The following MYOF variants were observed in gnomAD, a reference collection of about 807,000 sequenced individuals.
The protein encoded by MYOF is myoferlin.
In MYOF, 244 loss-of-function variants were observed where a neutral mutation model predicts 284.2. That is an observed-to-expected ratio of 0.86 (90% CI 0.77 to 0.95). The LOEUF (loss-of-function observed/expected upper bound fraction) is 0.95. Ranked by LOEUF, MYOF falls within the 40% of genes least tolerant of loss-of-function variation. The pLI is 0.00. For synonymous variants in MYOF, 904 were observed against 919.7 expected (o/e 0.98, Z 0.31); for missense variants, 2,496 against 2,560.6 (o/e 0.97, Z 0.54).
chr10:93,406,885 C>T (rs1425438546), intron 7 of MYOF, among the ~76,000 whole-genome samples: 3 of 151,918 alleles, frequency 2.0e-5, no homozygotes, highest in African/African-American at 4.8e-5. Context: ...GGATTAGAGC[C>T]GTAGGGAATG....
chr10:93,400,143 T>C (rs942418073), intron 12 of MYOF, among the ~76,000 whole-genome samples: 2 of 152,142 alleles, frequency 1.3e-5, no homozygotes, highest in Non-Finnish European at 2.9e-5. Flanking sequence ...TGCTTTCAAT[T>C]GGGAGAAAGG....
chr10:93,404,662 A>T (rs1419995613), intron 7 of MYOF, among the ~76,000 whole-genome samples: 1 of 149,408 alleles, frequency 6.7e-6, no homozygotes, highest in South Asian at 2.1e-4. Flanking sequence ...AAAAAAAAAA[A>T]GGGAAAAAGA....
chr10:93,470,663 A>G (rs12260591), intron 1 of MYOF, among the ~76,000 whole-genome samples: 8,188 of 152,118 alleles, frequency 0.054, 512 homozygotes, highest in East Asian at 0.25. Flanking sequence ...CGGCCTCCCA[A>G]AGTGCTGGGA....
chr10:93,468,665 A>G (rs1348301013), intron 1 of MYOF, among the ~76,000 whole-genome samples: 1 of 152,186 alleles, frequency 6.6e-6, no homozygotes, highest in African/African-American at 2.4e-5. Flanking sequence ...GTGTCTCATC[A>G]TTAGTCATCT....
intron 53 of MYOF, among the ~76,000 whole-genome samples, chr10:93,309,473 C>A (rs529708359): frequency 2.7e-4 from 41 of 152,042 alleles, no homozygotes; most frequent in African/African-American, 9.4e-4. Flanking sequence ...GTGACATGAG[C>A]CTTAAAAAAT....
Position 93,366,577 on chromosome 10 carries a change from T to C in MYOF, c.2590-22A>G, listed in dbSNP as rs111368930. ...CATACTATTAAAAAAGAGATAAAAT[T>C]GGAGAAACACCATCAGAGAGCAAAA... On this transcript the variant is annotated intron_variant, in intron 25 of 53. Transcript: ENST00000359263. The C allele has an allele frequency of 1.1e-5, 18 of 1,577,442 alleles. No homozygotes were observed. The African/African-American group carries it at 1.4e-4, about 12-fold the overall frequency.
At chr10:93,388,098 C>T (rs1846484588) in intron 18 of MYOF, among the ~76,000 whole-genome samples, 185 bp from the exon 19 acceptor site, 1 of 152,078 alleles carries the variant, frequency 6.6e-6, no homozygotes, top group Admixed American at 6.6e-5. Flanking sequence ...GAGCCATTGG[C>T]TTTAGGACAG....
chr10:93,361,285 G>A (rs1425963112), intron 28 of MYOF, among the ~76,000 whole-genome samples, 167 bp downstream of exon 28: 1 of 152,144 alleles, frequency 6.6e-6, no homozygotes, highest in African/African-American at 2.4e-5. Flanking sequence ...CCTGCTGTGC[G>A]GCCTTGTTCC....
At chr10:93,432,453 G>A (rs1018999012) in intron 3 of MYOF, among the ~76,000 whole-genome samples, 2 of 151,992 alleles carry the variant, frequency 1.3e-5, no homozygotes, top group African/African-American at 4.8e-5. Context: ...CAGAATCCAG[G>A]AAGAGAGAAA....
At chr10:93,429,929 TA>T (rs750273220) in intron 4 of MYOF, among the ~76,000 whole-genome samples, 10 of 150,422 alleles carry the variant, frequency 6.6e-5, no homozygotes, top group Non-Finnish European at 1.3e-4. Flanking sequence ...AAGATGTACT[TA>T]TTTTTTTAAT....
intron 27 of MYOF, 124 bp downstream of exon 27, chr10:93,363,837 A>C (rs981611050): frequency 1.5e-6 from 1 of 689,098 alleles, no homozygotes; most frequent in Non-Finnish European, 2.4e-6. Context: ...TAAGTGGAAG[A>C]CTCTTCAGAA....
At chr10:93,314,378 T>A (rs787670) in intron 50 of MYOF, among the ~76,000 whole-genome samples, 1 of 152,102 alleles carries the variant, frequency 6.6e-6, no homozygotes, top group Non-Finnish European at 1.5e-5. Flanking sequence ...CATGACCCAC[T>A]GTGCCCGGCC....
rs147243467 is a variant in MYOF at position 93,443,708 on chromosome 10, C to T, written c.236+8342G>A. 5.1e-3 allele frequency among the ~76,000 whole-genome samples: 770 copies of T among 152,328 alleles called. 3 individuals are homozygous for T. Among genetic ancestry groups the T allele is most frequent in the African/African-American group, 0.018 (740 of 41,568 alleles). ...TTTATCTCCCATCTCTTAGAGATCA[C>T]TGTTCTGTGCCAGCAAAGTCCAACA... is the stretch of plus-strand genomic sequence containing the variant. On this transcript the variant is annotated intron_variant, in intron 3 of 53. Transcript: ENST00000359263.
intron 51 of MYOF, among the ~76,000 whole-genome samples, chr10:93,312,354 T>C (rs1303794529): frequency 6.7e-6 from 1 of 149,946 alleles, no homozygotes; most frequent in African/African-American, 2.5e-5. Flanking sequence ...TTTTCTTTTT[T>C]ATTTTTTTTG....
At chr10:93,328,983 C>A in intron 44 of MYOF, 72 bp from the exon 45 acceptor site, 1 of 1,479,942 alleles carries the variant, frequency 6.8e-7, no homozygotes, top group Admixed American at 1.8e-5. Flanking sequence ...CACATACATG[C>A]TCATGTACTC....
At position 93,351,764 on chromosome 10, in the gene MYOF, T is replaced by C. The variant is rs1332558134; in HGVS notation, c.3564A>G (p.Gln1188=). 3.1e-6 allele frequency: 5 copies of C among 1,601,964 alleles called. No homozygotes were observed. The Admixed American group carries it at 7.2e-5, about 23-fold the overall frequency. The change falls in exon 33 of 54, where the codon CAA becomes CAG. Residue 1188 remains glutamine (Q), a synonymous_variant. Transcript: ENST00000359263. ...TTTCAACTTCATCGAATATAATTGT[T>C]TGGTCCCACGTGGGATTCAGGGTTG... The part of the protein sequence containing the change: ...IHSTLNPTWD[Q]TIIFDEVEIY...
chr10:93,453,366 A>G (rs1039274190), intron 2 of MYOF, among the ~76,000 whole-genome samples: 2 of 152,112 alleles, frequency 1.3e-5, no homozygotes, highest in African/African-American at 4.8e-5. Flanking sequence ...GGGTTTCACC[A>G]TGTTGGCCAG....
intron 3 of MYOF, among the ~76,000 whole-genome samples, chr10:93,450,763 GC>G (rs1307452472): frequency 8.5e-5 from 13 of 152,242 alleles, no homozygotes; most frequent in Middle Eastern, 3.4e-3. Flanking sequence ...TATCAGATGT[GC>G]CTAAGACATA....
chr10:93,413,642 T>C (rs1421087702), intron 5 of MYOF, among the ~76,000 whole-genome samples: 1 of 152,186 alleles, frequency 6.6e-6, no homozygotes, highest in Non-Finnish European at 1.5e-5. Context: ...TTGTATTAGC[T>C]TCTGAAGGCT....
Sources: gnomAD v4.1 joint callset for allele counts (sites outside exome capture counted in the v4.1 genomes callset) on GRCh38, gnomAD v4.1.1 for gene constraint, MANE v1.5 for transcripts, NCBI Gene and HGNC (gene_info 2026-07-23, HGNC 2026-07-21) for gene names.